CDKL5: variants seen among roughly 807,000 people sequenced by gnomAD.
CDKL5 encodes the protein cyclin dependent kinase like 5.
In CDKL5, 8 loss-of-function variants were observed where a neutral mutation model predicts 61.7. The ratio of observed to expected loss-of-function variants is 0.13; its 90% CI spans 0.08 to 0.23. CDKL5 has a LOEUF of 0.23. Among genes scored for constraint, CDKL5 ranks in the 10% least tolerant of loss-of-function variants. CDKL5 has a pLI of 1.00. For synonymous variants in CDKL5, 275 were observed against 272.3 expected, an observed-to-expected ratio of 1.01 and a Z score of -0.10; for missense variants, 440 against 734.5, an observed-to-expected ratio of 0.60 and a Z score of 4.63.
chrX:18,634,386 A>T lies in CDKL5; in HGVS notation c.*5629A>T, dbSNP rs1927323970. On this transcript the variant is annotated 3_prime_UTR_variant, in exon 18 of 18. Transcript: ENST00000623535. The stretch of plus-strand genomic sequence containing the variant: ...GAAGAAACCCAGGAATAGAAAAGGT[A>T]GATGCCTTGACTTTTGTCCCTGTTG... The T allele has an allele frequency of 2.7e-6, 2 of 752,628 alleles. No homozygotes were observed. The highest frequency in any genetic ancestry group is 4.6e-5 in the African/African-American group (2 of 43,215). The allele number at this position is 752,628 out of a possible 1,213,427, so 62.0% of individuals were successfully genotyped here. A position where few individuals can be genotyped will look rare whatever the true frequency, so the allele number is the denominator to read the frequency against.
At position 18,550,784 on chromosome X, in the gene CDKL5, G is replaced by A. The variant is rs188656204; in HGVS notation, c.100-13693G>A. On this transcript the variant is annotated intron_variant, in intron 3 of 17. Transcript: ENST00000623535. ...CAGTGTTATAAAATAAGGACAAAAT[G>A]AAATAGTAACACAATTGCACAATAA... 5.3e-5 allele frequency among the ~76,000 whole-genome samples: 6 copies of A among 112,472 alleles called. No homozygotes were observed. The Admixed American group carries it at 5.6e-4, about 11-fold the overall frequency.
intron 2 of CDKL5, among the ~76,000 whole-genome samples, chrX:18,508,380 A>C (rs1922661306): frequency 8.9e-6 from 1 of 112,389 alleles, no homozygotes; most frequent in Admixed American, 9.4e-5. Flanking sequence ...CAAAACAAAT[A>C]GGTCTTTGTT....
chrX:18,610,638 T>C (rs927310584), intron 14 of CDKL5, among the ~76,000 whole-genome samples: 2 of 113,256 alleles, frequency 1.8e-5, no homozygotes, highest in African/African-American at 6.4e-5. Context: ...TACTTTGTTA[T>C]TTAGCAGACA....
chrX:18,648,598 G>A (rs1927892796), intron 20 of CDKL5, among the ~76,000 whole-genome samples: 1 of 111,701 alleles, frequency 9.0e-6, no homozygotes, highest in Admixed American at 9.5e-5. Context: ...AATGTAGCCA[G>A]CTGAATAAAG....
chrX:18,501,539 TAAAA>T (rs1345719408), intron 1 of CDKL5, among the ~76,000 whole-genome samples: 91 of 111,059 alleles, frequency 8.2e-4, no homozygotes, highest in African/African-American at 2.9e-3. Context: ...ATGTTTTTTT[TAAAA>T]AATTTTTATT....
chrX:18,602,278 A>C (rs1159018709), intron 11 of CDKL5, among the ~76,000 whole-genome samples: 1 of 112,222 alleles, frequency 8.9e-6, no homozygotes, highest in Admixed American at 9.4e-5. Flanking sequence ...CTATTTGTGG[A>C]TGAGACAGTC....
chrX:18,651,276 A>AGG (rs1928033588), intron 21 of CDKL5, among the ~76,000 whole-genome samples: 1 of 108,348 alleles, frequency 9.2e-6, no homozygotes, highest in Non-Finnish European at 1.9e-5. Flanking sequence ...AGAGAGAGAG[A>AGG]GAGAGAGAGA....
chrX:18,632,048 C>T lies in CDKL5; in HGVS notation c.*3291C>T. ...CCCTGCCATGCACAGGACAGCCCCC[C>T]AAACAAACAGTGGTCCAGCCCCAAG... is the stretch of plus-strand genomic sequence containing the variant. On this transcript the variant is annotated 3_prime_UTR_variant, in exon 18 of 18. Coordinates refer to ENST00000623535, the MANE Select transcript of CDKL5 (RefSeq NM_001323289.2). 1 of 676,000 alleles carries T rather than the reference C, an allele frequency of 1.5e-6. No homozygotes were observed. Among genetic ancestry groups the T allele is most frequent in the Non-Finnish European group, 1.8e-6 (1 of 568,027 alleles). 55.7% of individuals were successfully genotyped at this position (676,000 alleles called of 1,213,427 possible).
At chrX:18,547,832 CACTT>C (rs1442000347) in intron 3 of CDKL5, among the ~76,000 whole-genome samples, 4 of 112,154 alleles carry the variant, frequency 3.6e-5, no homozygotes, top group African/African-American at 1.3e-4. Context: ...TTAGGAATAA[CACTT>C]AATATCTTAA....
chrX:18,435,460 T>A lies in CDKL5; in HGVS notation c.-163+9765T>A, dbSNP rs760231210. 8.0e-5 allele frequency among the ~76,000 whole-genome samples: 9 copies of A among 112,209 alleles called. No homozygotes were observed. In the East Asian group the frequency reaches 2.2e-3, roughly 28 times the overall value. ...ACCTGTCCTACATCCTGAGGATCTG[T>A]CCTTCATTCATTTAACAAATATTAC... is the stretch of plus-strand genomic sequence containing the variant. On this transcript the variant is annotated intron_variant, in intron 1 of 17. Transcript: ENST00000623535.
At chrX:18,557,804 G>T (rs1160591442) in intron 3 of CDKL5, among the ~76,000 whole-genome samples, 1 of 111,873 alleles carries the variant, frequency 8.9e-6, no homozygotes, top group Non-Finnish European at 1.9e-5. Flanking sequence ...CAGAGCTTTA[G>T]ACAGTCAGCA....
intron 15 of CDKL5, among the ~76,000 whole-genome samples, chrX:18,616,503 T>G (rs767723987): frequency 4.7e-4 from 51 of 109,368 alleles, no homozygotes; most frequent in African/African-American, 1.7e-3. Flanking sequence ...CGCATGCTGG[T>G]AATCCCAGCT....
intron 1 of CDKL5, among the ~76,000 whole-genome samples, chrX:18,479,314 CTTTTTTTT>C (rs761687087): frequency 9.0e-5 from 6 of 66,574 alleles, no homozygotes; most frequent in African/African-American, 2.9e-4. Flanking sequence ...GCCACTATTT[CTTTTTTTT>C]TTTTTTTTTT....
Position 18,563,631 on chromosome X carries a change from T to C in CDKL5, c.100-846T>C, listed in dbSNP as rs184560055. Among the ~76,000 whole-genome samples, 252 of 111,912 alleles carry C rather than the reference T, an allele frequency of 2.3e-3. 3 individuals carry two copies. The highest frequency in any genetic ancestry group is 7.9e-3 in the African/African-American group (244 of 30,839). ...TGCAGGGACAACGTTTTATTAAATA[T>C]TAAAAGATTTGATCTGAAAGTGTCC... On this transcript the variant is annotated intron_variant, in intron 3 of 17. Coordinates refer to ENST00000623535, the MANE Select transcript of CDKL5 (RefSeq NM_001323289.2).
chrX:18,641,925 C>A, downstream of CDKL5: 1 of 1,065,845 alleles, frequency 9.4e-7, no homozygotes. Flanking sequence ...CCCTGTCCAT[C>A]TCGGTGGTGT....
downstream of CDKL5, among the ~76,000 whole-genome samples, chrX:18,642,681 G>A (rs897401658): frequency 3.6e-5 from 4 of 112,646 alleles, no homozygotes; most frequent in African/African-American, 1.3e-4. Context: ...AAACTTAAAT[G>A]TGTATTCCTA....
At chrX:18,524,154 T>C (rs1380365566) in intron 3 of CDKL5, among the ~76,000 whole-genome samples, 2 of 112,150 alleles carry the variant, frequency 1.8e-5, no homozygotes, top group Non-Finnish European at 3.8e-5. Flanking sequence ...ATCTTTGTCT[T>C]GTTCCTGATC....
At chrX:18,508,387 T>C (rs1227757576) in intron 2 of CDKL5, among the ~76,000 whole-genome samples, 1 of 112,461 alleles carries the variant, frequency 8.9e-6, no homozygotes, top group Non-Finnish European at 1.9e-5. Flanking sequence ...AATAGGTCTT[T>C]GTTCCTTCAC....
intron 7 of CDKL5, among the ~76,000 whole-genome samples, chrX:18,583,148 G>A (rs1407086202): frequency 5.4e-5 from 6 of 111,821 alleles, no homozygotes; most frequent in Non-Finnish European, 7.5e-5. Flanking sequence ...TTAAGTTACT[G>A]AAAATATAAA....
Sources: allele counts gnomAD v4.1 joint callset (sites outside exome capture counted in the v4.1 genomes callset), GRCh38; gene constraint gnomAD v4.1.1; transcripts MANE v1.5; gene names NCBI Gene and HGNC (gene_info 2026-07-23, HGNC 2026-07-21).